Variants in NEGR1 observed in about 807,000 individuals in gnomAD.
NEGR1 encodes the protein IgLON family member 4.
Under a neutral mutation model 40.9 loss-of-function variants are expected in NEGR1, and 10 were observed. That is an observed-to-expected ratio of 0.24 (90% CI 0.15 to 0.42). NEGR1 has a LOEUF of 0.42. NEGR1 is among the 10% of genes least tolerant of loss of function. The pLI, the probability that NEGR1 is intolerant of heterozygous loss-of-function variation, is 1.00. For synonymous variants in NEGR1, 185 were observed against 166.8 expected, an observed-to-expected ratio of 1.11 and a Z score of -0.84; for missense variants, 352 against 438.9, an observed-to-expected ratio of 0.80 and a Z score of 1.77.
chr1:71,921,625 G>C (rs1421522197), intron 2 of NEGR1, among the ~76,000 whole-genome samples: 1 of 146,128 alleles, frequency 6.8e-6, no homozygotes, highest in Non-Finnish European at 1.5e-5. Context: ...ATACAGTATA[G>C]AATACATATA....
intron 3 of NEGR1, among the ~76,000 whole-genome samples, chr1:71,701,116 A>G (rs1015768707): frequency 6.6e-6 from 1 of 152,056 alleles, no homozygotes; most frequent in African/African-American, 2.4e-5. Flanking sequence ...AGCTTCTGAC[A>G]TACAGAATTG....
Position 72,198,179 on chromosome 1 carries a change from C to T in NEGR1, c.176+84140G>A, listed in dbSNP as rs77645126. 5.7e-3 allele frequency among the ~76,000 whole-genome samples: 872 copies of T among 152,080 alleles called. 13 individuals carry two copies. Among genetic ancestry groups the T allele is most frequent in the African/African-American group, 0.02 (834 of 41,532 alleles). ...CCCAAAATAAATACCATATTTCTAG[C>T]CTCCTTGATAGCTAGGAGCGTACAT... On this transcript the variant is annotated intron_variant, in intron 1 of 6. Transcript: ENST00000357731.
chr1:72,015,716 C>T (rs1646703979), intron 1 of NEGR1, among the ~76,000 whole-genome samples: 1 of 152,000 alleles, frequency 6.6e-6, no homozygotes, highest in Non-Finnish European at 1.5e-5. Context: ...AGGTATTTTG[C>T]TAGTTGTTGG....
rs1646232286 is a variant in NEGR1, at chr1:71,399,403, T to TTTTTTTAAA, written c.*8034_*8042dup. 6.6e-6 allele frequency: 1 copy of TTTTTTTAAA among 152,188 alleles called. No individual in the cohort carries two copies. Among genetic ancestry groups the TTTTTTTAAA allele is most frequent in the African/African-American group, 2.4e-5 (1 of 41,450 alleles). 9.4% of individuals were successfully genotyped at this position (152,188 alleles called of 1,614,324 possible). The stretch of plus-strand genomic sequence containing the variant: ...TTACAAGAAATTAATTTATTCCAAA[T>TTTTTTTAAA]TTTTTTAAAAATCTGCTTTTCTCCA... On this transcript the variant is annotated 3_prime_UTR_variant, in exon 7 of 7. Transcript: ENST00000357731.
chr1:72,136,672 C>T (rs1230921708), intron 1 of NEGR1, among the ~76,000 whole-genome samples: 1 of 142,442 alleles, frequency 7.0e-6, no homozygotes, highest in East Asian at 2.1e-4. Flanking sequence ...AAAAAAAAAT[C>T]CAAGCACAAG....
intron 3 of NEGR1, among the ~76,000 whole-genome samples, chr1:71,713,333 C>G (rs1654170287): frequency 6.6e-6 from 1 of 152,158 alleles, no homozygotes; most frequent in Non-Finnish European, 1.5e-5. Context: ...CTAATTTCCT[C>G]TTATATTATA....
intron 1 of NEGR1, among the ~76,000 whole-genome samples, chr1:72,062,544 G>A (rs1393408613): frequency 6.6e-6 from 1 of 151,902 alleles, no homozygotes; most frequent in African/African-American, 2.4e-5. Context: ...CATAACTAGA[G>A]CATGAAATAA....
chr1:71,715,138 A>G (rs1654233064), intron 3 of NEGR1, among the ~76,000 whole-genome samples: 1 of 152,180 alleles, frequency 6.6e-6, no homozygotes, highest in Non-Finnish European at 1.5e-5. Flanking sequence ...GCTACCAAGG[A>G]TTGGGGCTTG....
At chr1:71,622,684 T>A (rs1036281877) in intron 4 of NEGR1, among the ~76,000 whole-genome samples, 45 of 151,990 alleles carry the variant, frequency 3.0e-4, no homozygotes, top group African/African-American at 9.2e-4. Flanking sequence ...TGAGCCAGGC[T>A]CATATATACA....
chr1:71,471,210 A>G (rs1054756937), intron 6 of NEGR1, among the ~76,000 whole-genome samples: 1 of 152,172 alleles, frequency 6.6e-6, no homozygotes, highest in African/African-American at 2.4e-5. Flanking sequence ...CATTACAGGA[A>G]CACATCAGCT....
At chr1:71,848,633 T>A (rs1448549582) in intron 2 of NEGR1, among the ~76,000 whole-genome samples, 2 of 152,188 alleles carry the variant, frequency 1.3e-5, no homozygotes, top group Non-Finnish European at 2.9e-5. Context: ...AAAATTATTT[T>A]AAAAATATCA....
intron 6 of NEGR1, among the ~76,000 whole-genome samples, chr1:71,474,096 T>C (rs1646802390): frequency 6.6e-6 from 1 of 151,872 alleles, no homozygotes; most frequent in Admixed American, 6.6e-5. Flanking sequence ...CTGGACAAAT[T>C]TCCAGGCATA....
intron 2 of NEGR1, among the ~76,000 whole-genome samples, chr1:71,820,520 C>A (rs1482175358): frequency 6.6e-6 from 1 of 151,972 alleles, no homozygotes. Context: ...AAGTTGATAT[C>A]CAGAGCCCAT....
intron 1 of NEGR1, among the ~76,000 whole-genome samples, chr1:71,957,593 T>C (rs1483461421): frequency 6.6e-6 from 1 of 152,184 alleles, no homozygotes; most frequent in African/African-American, 2.4e-5. Context: ...TTAAGGCCTT[T>C]GTAAAAGATT....
chr1:71,436,336 G>A (rs935969281), intron 6 of NEGR1, among the ~76,000 whole-genome samples: 5 of 152,134 alleles, frequency 3.3e-5, no homozygotes, highest in African/African-American at 1.2e-4. Context: ...ATGACTTGAT[G>A]GAGATGGGTG....
chr1:72,028,286 C>G (rs766384963), intron 1 of NEGR1, among the ~76,000 whole-genome samples: 1 of 152,130 alleles, frequency 6.6e-6, no homozygotes, highest in African/African-American at 2.4e-5. Flanking sequence ...TCTGTGTCAT[C>G]CTTGCTTTAA....
rs982922858 is a variant in NEGR1 at position 71,621,594 on chromosome 1, G to GA, written c.668-10449dup. On this transcript the variant is annotated intron_variant, in intron 4 of 6. Transcript: ENST00000357731. ...ATTCCCTTATGTTTGAAAAGGTACA[G>GA]AAAAAAAACAAAATTATTTGGTAAA... is the stretch of plus-strand genomic sequence containing the variant. Among the ~76,000 whole-genome samples, 5 of 150,400 alleles carry GA rather than the reference G, an allele frequency of 3.3e-5. No individual in the cohort carries two copies. The East Asian group carries it at 7.8e-4, about 24-fold the overall frequency.
At chr1:71,546,638 G>A (rs1647904547) in intron 6 of NEGR1, among the ~76,000 whole-genome samples, 1 of 151,554 alleles carries the variant, frequency 6.6e-6, no homozygotes, top group South Asian at 2.1e-4. Context: ...CATTACTAAA[G>A]AAAAGTAAAC....
At chr1:72,257,404 T>C (rs1434965035) in intron 1 of NEGR1, among the ~76,000 whole-genome samples, 2 of 147,566 alleles carry the variant, frequency 1.4e-5, no homozygotes, top group African/African-American at 2.5e-5. Flanking sequence ...GAGAAAAAAA[T>C]GTGTGAGTTG....
Sources: allele counts gnomAD v4.1 joint callset (sites outside exome capture counted in the v4.1 genomes callset), GRCh38; gene constraint gnomAD v4.1.1; transcripts MANE v1.5; gene names NCBI Gene and HGNC (gene_info 2026-07-23, HGNC 2026-07-21).